SUN1: variants seen among roughly 807,000 people sequenced by gnomAD.
SUN1 encodes Sad1 and UNC84 domain containing 1.
Under a neutral mutation model 103.2 loss-of-function variants are expected in SUN1, and 61 were observed. The ratio of observed to expected loss-of-function variants is 0.59; its 90% CI spans 0.48 to 0.73. The LOEUF (loss-of-function observed/expected upper bound fraction) is 0.73. Ranked by LOEUF, SUN1 falls within the 30% of genes least tolerant of loss-of-function variation. The probability of loss-of-function intolerance (pLI) is 0.00; values close to 1 mark genes in which losing one functional copy is unlikely to be tolerated. For missense variants in SUN1, 1,052 were observed against 1,034.6 expected, an observed-to-expected ratio of 1.02 and a Z score of -0.23; for synonymous variants, 490 against 425.7, an observed-to-expected ratio of 1.15 and a Z score of -1.86.
intron 5 of SUN1, among the ~76,000 whole-genome samples, chr7:844,066 T>C (rs561883856): frequency 6.6e-6 from 1 of 152,324 alleles, no homozygotes; most frequent in East Asian, 1.9e-4. Context: ...AACCCCCTGA[T>C]GTGGACATGG....
chr7:836,710 A>G (rs1803586559), intron 1 of SUN1, among the ~76,000 whole-genome samples: 1 of 152,186 alleles, frequency 6.6e-6, no homozygotes, highest in African/African-American at 2.4e-5. Flanking sequence ...TTTAAATGTT[A>G]CTGTCATCCA....
At position 866,717 on chromosome 7, in the gene SUN1, C is replaced by CACTGTCT. The variant is rs1441447891; in HGVS notation, c.1980+650_1980+651insACTGTCT. On this transcript the variant is annotated intron_variant, in intron 16 of 18. Transcript: ENST00000401592. ...CACCATCTCCGTGGGCCTTCGCCCC[C>CACTGTCT]CCCCCGCCCCCCGTCCCACCGGGCC... 8.8e-4 allele frequency among the ~76,000 whole-genome samples: 73 copies of CACTGTCT among 83,106 alleles called. 3 individuals carry two copies. Among genetic ancestry groups the CACTGTCT allele is most frequent in the South Asian group, 2.1e-3 (4 of 1,910 alleles). The allele number at this position is 83,106 out of a possible 152,430, so 54.5% of individuals were successfully genotyped here. A position where few individuals can be genotyped will look rare whatever the true frequency, so the allele number is the denominator to read the frequency against.
At chr7:830,400 G>C (rs1211332121), upstream of SUN1, among the ~76,000 whole-genome samples, 2 of 152,226 alleles carry the variant, frequency 1.3e-5, no homozygotes. Context: ...GACTGCATCA[G>C]GGTGGGTAAG....
At chr7:823,474 C>T (rs530159891) in intron 1 of SUN1, among the ~76,000 whole-genome samples, 1 of 138,088 alleles carries the variant, frequency 7.2e-6, no homozygotes, top group South Asian at 2.1e-4. Flanking sequence ...GCACCTCAGG[C>T]AGGAGGACAT....
intron 1 of SUN1, among the ~76,000 whole-genome samples, chr7:827,228 G>A (rs1025871358): frequency 3.3e-5 from 5 of 151,780 alleles, no homozygotes; most frequent in Non-Finnish European, 7.4e-5. Flanking sequence ...CACCATATTG[G>A]CCAGGCTGGT....
chr7:864,008 T>A (rs1048870604), intron 15 of SUN1, among the ~76,000 whole-genome samples: 4 of 152,262 alleles, frequency 2.6e-5, no homozygotes, highest in African/African-American at 9.6e-5. Flanking sequence ...ACACTTTTTT[T>A]ATCCGAAAAT....
intron 2 of SUN1, among the ~76,000 whole-genome samples, chr7:840,150 G>A (rs1417733204): frequency 1.3e-5 from 2 of 152,206 alleles, no homozygotes; most frequent in East Asian, 3.8e-4. Flanking sequence ...TTGATGGGTG[G>A]AGAACTGCCT....
intron 13 of SUN1, among the ~76,000 whole-genome samples, chr7:859,335 C>T (rs1004683465): frequency 5.3e-5 from 8 of 152,154 alleles, no homozygotes; most frequent in Admixed American, 1.3e-4. Flanking sequence ...GGACTGTCAT[C>T]AACTACGGCC....
At chr7:852,358 C>T (rs1046023221) in intron 7 of SUN1, 18 of 602,918 alleles carry the variant, frequency 3.0e-5, no homozygotes, top group Non-Finnish European at 4.1e-5. Flanking sequence ...GGCTGTGATC[C>T]GAAGGGGCAG....
intron 12 of SUN1, 136 bp downstream of exon 12, chr7:856,537 C>G: frequency 1.1e-6 from 1 of 910,050 alleles, no homozygotes. Context: ...AGGTTCGTGC[C>G]GACAGACACT....
intron 1 of SUN1, among the ~76,000 whole-genome samples, chr7:837,961 GTC>G (rs1805088576): frequency 6.6e-6 from 1 of 152,256 alleles, no homozygotes; most frequent in African/African-American, 2.4e-5. Context: ...GCTTAGTGCA[GTC>G]TCTCTCTTGT....
intron 1 of SUN1, chr7:817,567 T>G (rs1781964634): frequency 6.6e-7 from 1 of 1,520,464 alleles, no homozygotes; most frequent in Non-Finnish European, 8.8e-7. Flanking sequence ...TGGCTCTGAT[T>G]CCGGGTGGGA....
chr7:828,916 C>T (rs1393193657), upstream of SUN1, among the ~76,000 whole-genome samples: 3 of 152,224 alleles, frequency 2.0e-5, no homozygotes, highest in Admixed American at 1.3e-4. Context: ...AGGCCCAGCT[C>T]CTATTCTCAG....
At chr7:830,635 C>T (rs1279571040), upstream of SUN1, among the ~76,000 whole-genome samples, 1 of 152,222 alleles carries the variant, frequency 6.6e-6, no homozygotes, top group Non-Finnish European at 1.5e-5. Context: ...TTTTCCCTAC[C>T]ATCCCCATCT....
chr7:842,160 G>A (rs780135142), intron 3 of SUN1, 30 bp downstream of exon 3: 10 of 1,600,512 alleles, frequency 6.2e-6, no homozygotes, highest in South Asian at 4.4e-5. Context: ...AGATTGTCCC[G>A]CCTACAGTTG....
chr7:869,756 A>T (rs1400679900), intron 17 of SUN1, among the ~76,000 whole-genome samples: 1 of 152,060 alleles, frequency 6.6e-6, no homozygotes. Flanking sequence ...CACGCCTAAG[A>T]ATTTTGCTCC....
intron 11 of SUN1, among the ~76,000 whole-genome samples, chr7:855,900 C>T (rs113139040): frequency 0.036 from 5,546 of 152,292 alleles, 114 homozygotes; most frequent in Non-Finnish European, 0.048. Flanking sequence ...GGGGCGCCTC[C>T]TCCTCTGTCT....
intron 16 of SUN1, 37 bp from the exon 17 acceptor site, chr7:869,312 C>T (rs772617595): frequency 1.6e-5 from 26 of 1,602,170 alleles, no homozygotes; most frequent in Admixed American, 8.4e-5. Context: ...TAAGAGCATG[C>T]TCACACTCTG....
intron 1 of SUN1, among the ~76,000 whole-genome samples, chr7:827,231 A>G (rs1446588638): frequency 6.6e-6 from 1 of 151,926 alleles, no homozygotes; most frequent in African/African-American, 2.4e-5. Context: ...CATATTGGCC[A>G]GGCTGGTCTC....
Sources: allele counts gnomAD v4.1 joint callset (sites outside exome capture counted in the v4.1 genomes callset), GRCh38; gene constraint gnomAD v4.1.1; transcripts MANE v1.5; gene names NCBI Gene and HGNC (gene_info 2026-07-23, HGNC 2026-07-21).